The following CAMKMT variants were observed in gnomAD, a reference collection of about 807,000 sequenced individuals.
CAMKMT encodes calmodulin-lysine N-methyltransferase.
CAMKMT carries 53 observed loss-of-function variants against 48.0 expected under a neutral mutation model. The ratio of observed to expected loss-of-function variants is 1.10; its 90% CI spans 0.89 to 1.39. The LOEUF (loss-of-function observed/expected upper bound fraction) is 1.39. Among genes scored for constraint, CAMKMT ranks in the 40% most tolerant of loss-of-function variants. The pLI is 0.00. For synonymous variants in CAMKMT, 165 were observed against 152.3 expected (o/e 1.08, Z -0.61); for missense variants, 428 against 402.7 (o/e 1.06, Z -0.54).
intron 1 of CAMKMT, among the ~76,000 whole-genome samples, chr2:44,371,278 G>A (rs1283865154): frequency 6.6e-6 from 1 of 152,034 alleles, no homozygotes; most frequent in African/African-American, 2.4e-5. Context: ...GAGCCACTGT[G>A]CCCAGCCTAT....
chr2:44,590,058 C>T (rs77489723), intron 3 of CAMKMT, among the ~76,000 whole-genome samples: 1,600 of 151,590 alleles, frequency 0.011, 9 homozygotes, highest in Non-Finnish European at 0.015. Context: ...ATCAAATTTT[C>T]CACATGGACG....
intron 3 of CAMKMT, among the ~76,000 whole-genome samples, chr2:44,412,867 G>A (rs1683304226): frequency 6.6e-6 from 1 of 151,530 alleles, no homozygotes; most frequent in African/African-American, 2.4e-5. Flanking sequence ...CCTGAGGTCA[G>A]GAGTTTGAGA....
At chr2:44,402,740 G>GTTTTTTTTTTTTTTTTTTTCTTT in intron 3 of CAMKMT, among the ~76,000 whole-genome samples, 2 of 94,108 alleles carry the variant, frequency 2.1e-5, no homozygotes, top group African/African-American at 8.3e-5. Flanking sequence ...TTGTTTTGCT[G>GTTTTTTTTTTTTTTTTTTTCTTT]TTTTTTTTTT....
chr2:44,409,758 T>A (rs1683061567), intron 3 of CAMKMT, among the ~76,000 whole-genome samples: 1 of 152,194 alleles, frequency 6.6e-6, no homozygotes, highest in East Asian at 1.9e-4. Context: ...AAATAATTCA[T>A]ATGGAAAATC....
In CAMKMT at chr2:44,526,426, T is replaced by C. The variant is rs146488585; in HGVS notation, c.376+136121T>C. ...TATGAAGACTTGGCTCAGGCAGTTA[T>C]GCAGGCAGAGAAGGCACAATCGATT... On this transcript the variant is annotated intron_variant, in intron 3 of 10. Coordinates refer to ENST00000378494, the MANE Select transcript of CAMKMT (RefSeq NM_024766.5). Among the ~76,000 whole-genome samples the C allele has an allele frequency of 6.5e-3, 993 of 152,290 alleles. 5 individuals are homozygous for C. The highest frequency in any genetic ancestry group is 0.011 in the Non-Finnish European group (724 of 68,024).
chr2:44,579,163 C>T (rs1669401732), intron 3 of CAMKMT, among the ~76,000 whole-genome samples: 1 of 152,102 alleles, frequency 6.6e-6, no homozygotes, highest in South Asian at 2.1e-4. Flanking sequence ...ATACACTTAA[C>T]AATTTCTGGT....
chr2:44,404,700 A>G (rs1355923372), intron 3 of CAMKMT, among the ~76,000 whole-genome samples: 1 of 152,032 alleles, frequency 6.6e-6, no homozygotes, highest in Non-Finnish European at 1.5e-5. Flanking sequence ...TGCCTCTGTC[A>G]CTTAATATAC....
Position 44,601,378 on chromosome 2 carries a change from C to A in CAMKMT, c.377-102905C>A, listed in dbSNP as rs534505123. Among the ~76,000 whole-genome samples, 3 of 152,174 alleles carry A rather than the reference C, an allele frequency of 2.0e-5. No homozygotes were observed. In the South Asian group the frequency reaches 6.2e-4, roughly 32 times the overall value. On this transcript the variant is annotated intron_variant, in intron 3 of 10. Coordinates refer to ENST00000378494, the MANE Select transcript of CAMKMT (RefSeq NM_024766.5). ...GGCTGAGGCAGGAGAATTGCTTGAA[C>A]CCTGGAGGCGGAGGTTGCGGTGAGC...
chr2:44,630,585 A>C (rs1048903779), intron 3 of CAMKMT, among the ~76,000 whole-genome samples: 13 of 151,882 alleles, frequency 8.6e-5, no homozygotes, highest in African/African-American at 3.1e-4. Flanking sequence ...AAGTGGGCGA[A>C]GGACATGAAC....
chr2:44,458,816 T>G (rs1190206963), intron 3 of CAMKMT, among the ~76,000 whole-genome samples: 1 of 151,928 alleles, frequency 6.6e-6, no homozygotes, highest in Non-Finnish European at 1.5e-5. Context: ...TTTAAAAGTG[T>G]TTTTTTTCTT....
chr2:44,521,566 A>G (rs1273679625), intron 3 of CAMKMT, among the ~76,000 whole-genome samples: 1 of 152,224 alleles, frequency 6.6e-6, no homozygotes, highest in African/African-American at 2.4e-5. Flanking sequence ...GGCCTGAGCC[A>G]TCACGCCCGT....
chr2:44,609,540 C>A (rs72882974), intron 3 of CAMKMT, among the ~76,000 whole-genome samples: 1 of 152,114 alleles, frequency 6.6e-6, no homozygotes, highest in Non-Finnish European at 1.5e-5. Context: ...GCATAGACTG[C>A]TACAAGGAAT....
In CAMKMT at chr2:44,618,329, A is replaced by G. The variant is rs1672003107; in HGVS notation, c.377-85954A>G. On this transcript the variant is annotated intron_variant, in intron 3 of 10. Transcript: ENST00000378494. This position sits in a 1 kb window ranked among gnomAD's most constrained non-coding sequence, Gnocchi z 4.0. ...GTCATTTTACGACAGCCAGGGAGCA[A>G]AGCTCAGAGATGGATACTGAGCTTT... is the stretch of plus-strand genomic sequence containing the variant. Among the ~76,000 whole-genome samples the G allele has an allele frequency of 6.6e-6, 1 of 152,190 alleles. No homozygotes were observed. Among genetic ancestry groups the G allele is most frequent in the African/African-American group, 2.4e-5 (1 of 41,452 alleles).
At chr2:44,500,938 T>C (rs1669977819) in intron 3 of CAMKMT, among the ~76,000 whole-genome samples, 1 of 152,056 alleles carries the variant, frequency 6.6e-6, no homozygotes, top group Admixed American at 6.6e-5. Flanking sequence ...CACTTTGGCC[T>C]CCCAAATTGC....
At chr2:44,665,852 G>A (rs1377930376) in intron 3 of CAMKMT, among the ~76,000 whole-genome samples, 2 of 152,190 alleles carry the variant, frequency 1.3e-5, no homozygotes, top group African/African-American at 2.4e-5. Flanking sequence ...ATGAGCACCT[G>A]GGTAAGAACA....
intron 7 of CAMKMT, among the ~76,000 whole-genome samples, chr2:44,730,444 A>T (rs779059907): frequency 6.6e-6 from 1 of 152,208 alleles, no homozygotes; most frequent in Non-Finnish European, 1.5e-5. Context: ...CCTTTTGACG[A>T]TTATGATTTT....
intron 3 of CAMKMT, among the ~76,000 whole-genome samples, chr2:44,679,608 T>A (rs944378601): frequency 1.3e-5 from 2 of 152,264 alleles, no homozygotes; most frequent in East Asian, 3.8e-4. Flanking sequence ...CTGCGCCATG[T>A]CAGAAAACTA....
chr2:44,758,668 C>A (rs1332761341), intron 9 of CAMKMT, among the ~76,000 whole-genome samples: 1 of 152,216 alleles, frequency 6.6e-6, no homozygotes, highest in African/African-American at 2.4e-5. Context: ...CCCCCACTCA[C>A]TTTTCCCTCT....
At chr2:44,538,014 A>G (rs1366105571) in intron 3 of CAMKMT, among the ~76,000 whole-genome samples, 1 of 152,222 alleles carries the variant, frequency 6.6e-6, no homozygotes, top group Non-Finnish European at 1.5e-5. Flanking sequence ...TGTTTATAGC[A>G]GCACAGTTCC....
Sources: gnomAD v4.1 joint callset for allele counts (sites outside exome capture counted in the v4.1 genomes callset) on GRCh38, gnomAD v4.1.1 for gene constraint, Gnocchi (gnomAD v3.1) non-coding constraint, MANE v1.5 for transcripts, NCBI Gene and HGNC (gene_info 2026-07-23, HGNC 2026-07-21) for gene names.